ECT2L: variants seen among roughly 807,000 people sequenced by gnomAD.
ECT2L encodes the protein epithelial cell transforming 2 like.
Under a neutral mutation model 122.8 loss-of-function variants are expected in ECT2L, and 126 were observed. The observed-to-expected ratio is 1.03, with a 90% CI of 0.89 to 1.19. The LOEUF (loss-of-function observed/expected upper bound fraction) is 1.19, where lower values mean the gene tolerates loss of function less well. Among genes scored for constraint, ECT2L ranks in the 50% most tolerant of loss-of-function variants. The pLI, the probability that ECT2L is intolerant of heterozygous loss-of-function variation, is 0.00. For synonymous variants in ECT2L, 385 were observed against 381.8 expected, an observed-to-expected ratio of 1.01 and a Z score of -0.10; for missense variants, 1,012 against 1,064.1, an observed-to-expected ratio of 0.95 and a Z score of 0.68.
At chr6:138,890,079 G>C (rs1313508391) in intron 20 of ECT2L, among the ~76,000 whole-genome samples, 1 of 152,190 alleles carries the variant, frequency 6.6e-6, no homozygotes, top group African/African-American at 2.4e-5. Context: ...GTGGGCCATA[G>C]TGTGGTGATA....
At chr6:138,862,813 C>T (rs751318664) in intron 11 of ECT2L, 94 bp downstream of exon 11, 18 of 986,882 alleles carry the variant, frequency 1.8e-5, no homozygotes, top group Non-Finnish European at 2.7e-5. Flanking sequence ...ACTGGTATGG[C>T]TGATATCCAT....
At chr6:138,803,867 G>A (rs995930087) in intron 1 of ECT2L, among the ~76,000 whole-genome samples, 1 of 152,202 alleles carries the variant, frequency 6.6e-6, no homozygotes, top group Non-Finnish European at 1.5e-5. Context: ...AGTGTAATAA[G>A]AGCAGAGGCA....
chr6:138,866,981 C>T (rs1241389087), intron 12 of ECT2L, among the ~76,000 whole-genome samples: 2 of 151,768 alleles, frequency 1.3e-5, no homozygotes, highest in East Asian at 1.9e-4. Flanking sequence ...GGCTGAGGCA[C>T]GAGAACTGCT....
chr6:138,818,710 C>G (rs1776152567), intron 4 of ECT2L, among the ~76,000 whole-genome samples: 1 of 152,058 alleles, frequency 6.6e-6, no homozygotes, highest in Non-Finnish European at 1.5e-5. Context: ...AGCCAAGGAG[C>G]AGGATGGGGC....
Position 138,881,013 on chromosome 6 carries a change from C to CT in ECT2L, c.1724dup (p.Leu575PhefsTer4). The CT allele has an allele frequency of 6.2e-7, 1 of 1,614,160 alleles. No homozygotes were observed. Among genetic ancestry groups the CT allele is most frequent in the Non-Finnish European group, 8.5e-7 (1 of 1,180,016 alleles). On this transcript the variant is annotated frameshift_variant, in exon 15 of 22. Transcript: ENST00000541398. LOFTEE classifies it high-confidence loss of function. Reference sequence around the variant, plus strand: ...AGCGAGCTAGAGTTGTCAGAGAACTCTTACAGAGTGAGAGAAAATACGTGC... The same window carrying CT: ...AGCGAGCTAGAGTTGTCAGAGAACTCTTTACAGAGTGAGAGAAAATACGTGC...
In ECT2L at chr6:138,838,378, G is replaced by GTTTCA; in HGVS notation, c.206_207insTTTCA (p.Arg69SerfsTer27). 6.2e-7 allele frequency: 1 copy of GTTTCA among 1,609,654 alleles called. No homozygotes were observed. The highest frequency in any genetic ancestry group is 8.5e-7 in the Non-Finnish European group (1 of 1,178,528). ...TTTGTCCAAGACTGGTTTTCAGAAAGGATGCAAGTGGCCAAAGTGGACTTC... is the reference window on the plus strand; with the variant it reads ...TTTGTCCAAGACTGGTTTTCAGAAAGTTTCAGATGCAAGTGGCCAAAGTGGACTTC... On this transcript the variant is annotated frameshift_variant, in exon 5 of 22. Coordinates refer to ENST00000541398, the MANE Select transcript of ECT2L (RefSeq NM_001077706.3). LOFTEE classifies it high-confidence loss of function.
chr6:138,824,846 A>G (rs866964318), intron 4 of ECT2L, among the ~76,000 whole-genome samples: 1 of 152,290 alleles, frequency 6.6e-6, no homozygotes, highest in African/African-American at 2.4e-5. Flanking sequence ...TTCACCAGCC[A>G]CAGGACTCTA....
intron 10 of ECT2L, among the ~76,000 whole-genome samples, chr6:138,862,340 G>A (rs1777863292): frequency 6.6e-6 from 1 of 152,092 alleles, no homozygotes; most frequent in African/African-American, 2.4e-5. Context: ...AGGGGCAGGT[G>A]GTGTGTCACA....
intron 4 of ECT2L, among the ~76,000 whole-genome samples, chr6:138,816,492 A>AT (rs528296059): frequency 1.7e-4 from 26 of 149,324 alleles, no homozygotes; most frequent in East Asian, 3.9e-4. Context: ...TCCTTTAAAC[A>AT]TTTTTTTTTT....
intron 15 of ECT2L, among the ~76,000 whole-genome samples, chr6:138,881,461 G>A (rs1206441293): frequency 6.6e-6 from 1 of 151,962 alleles, no homozygotes; most frequent in Non-Finnish European, 1.5e-5. Context: ...CCAGTTTCAT[G>A]GAAGACAATA....
chr6:138,854,204 G>C (rs768978593), intron 10 of ECT2L, 50 bp downstream of exon 10: 2 of 1,535,830 alleles, frequency 1.3e-6, no homozygotes, highest in Admixed American at 4.2e-5. Context: ...CACTTCATGG[G>C]GATATGTTGT....
chr6:138,891,230 T>C (rs1034059010), intron 20 of ECT2L, among the ~76,000 whole-genome samples: 2 of 152,226 alleles, frequency 1.3e-5, no homozygotes, highest in Non-Finnish European at 2.9e-5. Context: ...ACATGGCAGA[T>C]AGCAGACCCT....
chr6:138,797,121 A>C (rs1380305390), intron 1 of ECT2L, among the ~76,000 whole-genome samples: 4 of 152,256 alleles, frequency 2.6e-5, no homozygotes, highest in South Asian at 4.1e-4. Flanking sequence ...GTTTCCTCAA[A>C]ACACGCCATT....
At position 138,836,349 on chromosome 6, in the gene ECT2L, C is replaced by T. The variant is rs146138596; in HGVS notation, c.180-2003C>T. The stretch of plus-strand genomic sequence containing the variant: ...CGTCACCCAGGCTGGAGTACAGTGG[C>T]GCGATCTCGGCTCACTGCAACCTCC... On this transcript the variant is annotated intron_variant, in intron 4 of 21. Transcript: ENST00000541398. Among the ~76,000 whole-genome samples the T allele has an allele frequency of 1.0e-2, 1,446 of 145,294 alleles. 8 individuals are homozygous for T. The highest frequency in any genetic ancestry group is 0.015 in the Non-Finnish European group (990 of 67,062).
Position 138,844,575 on chromosome 6 carries a change from C to A in ECT2L, c.759C>A (p.Pro253=). ...QLVLTSLETL[P]KRSNISGSHS... ...TTTTGACATCGTTAGAAACCTTGCCCAAGCGGTAAGCAAAATTCCATCTAC... is the reference window on the plus strand; with the variant it reads ...TTTTGACATCGTTAGAAACCTTGCCAAAGCGGTAAGCAAAATTCCATCTAC... Residue 253 remains proline, a synonymous_variant, in exon 7 of 22, where the codon CCC becomes CCA. Coordinates refer to ENST00000541398, the MANE Select transcript of ECT2L (RefSeq NM_001077706.3). 6.2e-7 allele frequency: 1 copy of A among 1,613,844 alleles called. No homozygotes were observed. Among genetic ancestry groups the A allele is most frequent in the Non-Finnish European group, 8.5e-7 (1 of 1,179,860 alleles).
chr6:138,885,301 T>C (rs889789540), intron 16 of ECT2L, among the ~76,000 whole-genome samples: 1 of 152,132 alleles, frequency 6.6e-6, no homozygotes, highest in African/African-American at 2.4e-5. Flanking sequence ...GTGCTGGAAT[T>C]ACAGGCATGA....
intron 4 of ECT2L, among the ~76,000 whole-genome samples, chr6:138,831,004 C>A (rs1471959556): frequency 2.0e-5 from 3 of 152,186 alleles, no homozygotes; most frequent in East Asian, 3.8e-4. Flanking sequence ...ACCCCAAAAC[C>A]AACATGTCCA....
chr6:138,826,372 A>G (rs565423626), intron 4 of ECT2L, among the ~76,000 whole-genome samples: 1 of 152,306 alleles, frequency 6.6e-6, no homozygotes, highest in South Asian at 2.1e-4. Context: ...TTATTTTGGG[A>G]AAATTCAAGT....
chr6:138,880,871 G>A, intron 14 of ECT2L, 86 bp from the exon 15 acceptor site: 1 of 1,190,606 alleles, frequency 8.4e-7, no homozygotes, highest in Non-Finnish European at 1.2e-6. Context: ...GCACAAACCA[G>A]CAAGGGGGGT....
Sources: allele counts gnomAD v4.1 joint callset (sites outside exome capture counted in the v4.1 genomes callset), GRCh38; gene constraint gnomAD v4.1.1; transcripts MANE v1.5; gene names NCBI Gene and HGNC (gene_info 2026-07-23, HGNC 2026-07-21).